The following RAB2A variants were observed in gnomAD, a reference collection of about 807,000 sequenced individuals.
RAB2A encodes the protein ras-related protein Rab-2A.
In RAB2A, 7 loss-of-function variants were observed where a neutral mutation model predicts 32.5. The observed-to-expected ratio is 0.22, with a 90% CI of 0.12 to 0.40. The LOEUF (loss-of-function observed/expected upper bound fraction) is 0.40, where lower values mean the gene tolerates loss of function less well. RAB2A is among the 10% of genes least tolerant of loss of function. The pLI is 1.00. For missense variants in RAB2A, 108 were observed against 260.7 expected, an observed-to-expected ratio of 0.41 and a Z score of 4.03; for synonymous variants, 79 against 85.2, an observed-to-expected ratio of 0.93 and a Z score of 0.40.
intron 3 of RAB2A, among the ~76,000 whole-genome samples, chr8:60,576,882 G>A (rs116829328): frequency 8.5e-4 from 129 of 152,202 alleles, no homozygotes; most frequent in African/African-American, 2.9e-3. Flanking sequence ...TTCCTCCTTA[G>A]GCAGCAATTC....
intron 1 of RAB2A, among the ~76,000 whole-genome samples, chr8:60,530,094 A>G (rs984324926): frequency 6.6e-6 from 1 of 151,270 alleles, no homozygotes; most frequent in African/African-American, 2.4e-5. Flanking sequence ...TAGGCTCCCA[A>G]GTAGCTGAGG....
intron 1 of RAB2A, among the ~76,000 whole-genome samples, chr8:60,530,165 G>T (rs577792962): frequency 1.8e-4 from 22 of 125,426 alleles, no homozygotes. Flanking sequence ...TTTTTTTTGA[G>T]AGAGAGAGAG....
At chr8:60,521,304 G>A (rs1807298945) in intron 1 of RAB2A, among the ~76,000 whole-genome samples, 1 of 152,162 alleles carries the variant, frequency 6.6e-6, no homozygotes, top group South Asian at 2.1e-4. Context: ...ATGGGGGAAT[G>A]TCTGGTATGT....
intron 1 of RAB2A, among the ~76,000 whole-genome samples, chr8:60,519,124 C>A (rs1807260816): frequency 1.6e-5 from 2 of 126,678 alleles, no homozygotes; most frequent in African/African-American, 6.2e-5. Flanking sequence ...CTGATACGAC[C>A]TAGTTCAGGA....
rs1294360027 is a variant in RAB2A at position 60,578,352 on chromosome 8, G to T, written c.187-5856G>T. On this transcript the variant is annotated intron_variant, in intron 3 of 7. Transcript: ENST00000262646. The stretch of plus-strand genomic sequence containing the variant: ...CACATGAAAGTGCTTTTGGATTTGT[G>T]AGGAGAAAAGGATAACTATGGGCTG... Among the ~76,000 whole-genome samples, 4 of 152,192 alleles carry T rather than the reference G, an allele frequency of 2.6e-5. No homozygotes were observed. The South Asian group carries it at 8.3e-4, about 32-fold the overall frequency.
intron 1 of RAB2A, chr8:60,553,059 A>G (rs1428633661): frequency 2.6e-5 from 4 of 152,224 alleles, no homozygotes; most frequent in Non-Finnish European, 5.9e-5. Flanking sequence ...TGTTTGTGAG[A>G]TTCAGTATCT....
chr8:60,575,757 A>T (rs186093524), intron 3 of RAB2A, among the ~76,000 whole-genome samples: 1 of 149,684 alleles, frequency 6.7e-6, no homozygotes, highest in Non-Finnish European at 1.5e-5. Flanking sequence ...TCCCGGGTTC[A>T]AGCGATTCTC....
intron 1 of RAB2A, among the ~76,000 whole-genome samples, chr8:60,549,060 C>T (rs1303283280): frequency 5.3e-5 from 8 of 151,384 alleles, no homozygotes; most frequent in East Asian, 2.0e-4. Flanking sequence ...GGCAGAGACG[C>T]TCCTCACTTC....
In RAB2A at chr8:60,569,498, AC is replaced by A. The variant is rs749424922; in HGVS notation, c.119-2547del. Among the ~76,000 whole-genome samples, 71 of 152,206 alleles carry A rather than the reference AC, an allele frequency of 4.7e-4. 1 individual carries two copies. Among genetic ancestry groups the A allele is most frequent in the Middle Eastern group, 6.8e-3 (2 of 294 alleles). ...TAAGCTTCATAACTTCTGTCTGCTT[AC>A]TTTATTAATTGTTTTTATTTTTGTT... is the stretch of plus-strand genomic sequence containing the variant. On this transcript the variant is annotated intron_variant, in intron 2 of 7. Transcript: ENST00000262646.
intron 3 of RAB2A, 193 bp from the exon 4 acceptor site, chr8:60,584,015 G>T (rs1349052937): frequency 6.1e-6 from 3 of 492,778 alleles, no homozygotes; most frequent in Non-Finnish European, 1.1e-5. Flanking sequence ...CACTACATGT[G>T]CGTCTCGTTG....
At chr8:60,530,144 C>CTTTTTTTTTT (rs1270851648) in intron 1 of RAB2A, among the ~76,000 whole-genome samples, 2 of 104,152 alleles carry the variant, frequency 1.9e-5, no homozygotes, top group African/African-American at 7.3e-5. Flanking sequence ...ATTTTTTTTT[C>CTTTTTTTTTT]TTTTTTTTTT....
At chr8:60,542,520 A>G (rs1225732844) in intron 1 of RAB2A, among the ~76,000 whole-genome samples, 1 of 152,068 alleles carries the variant, frequency 6.6e-6, no homozygotes, top group Non-Finnish European at 1.5e-5. Context: ...GTCAAAAAAA[A>G]AAGAAAGAAC....
intron 1 of RAB2A, among the ~76,000 whole-genome samples, chr8:60,537,710 T>G (rs1009370804): frequency 6.6e-6 from 1 of 152,206 alleles, no homozygotes; most frequent in African/African-American, 2.4e-5. Flanking sequence ...TTATTTATTT[T>G]CAGGTAGAGT....
chr8:60,615,819 A>G (rs576983277), intron 6 of RAB2A, among the ~76,000 whole-genome samples: 1 of 152,316 alleles, frequency 6.6e-6, no homozygotes, highest in Admixed American at 6.5e-5. Context: ...TAAAACAAGT[A>G]TATTAATGTC....
At chr8:60,532,571 C>T (rs918898994) in intron 1 of RAB2A, among the ~76,000 whole-genome samples, 2 of 152,146 alleles carry the variant, frequency 1.3e-5, no homozygotes, top group Non-Finnish European at 2.9e-5. Flanking sequence ...AGTGCAGTGG[C>T]ATAGTCTCAG....
At chr8:60,618,489 T>C (rs1237863901) in intron 6 of RAB2A, 91 bp from the exon 7 acceptor site, 1 of 557,668 alleles carries the variant, frequency 1.8e-6, no homozygotes, top group Non-Finnish European at 2.7e-6. Context: ...GACTTTCATA[T>C]GTTGAATGTT....
At chr8:60,596,720 G>A (rs887700669) in intron 6 of RAB2A, among the ~76,000 whole-genome samples, 6 of 152,056 alleles carry the variant, frequency 3.9e-5, no homozygotes, top group African/African-American at 1.4e-4. Context: ...CAGGAGATGA[G>A]ACCATCCTGG....
chr8:60,560,542 T>A (rs1808006226), intron 2 of RAB2A, among the ~76,000 whole-genome samples: 1 of 152,228 alleles, frequency 6.6e-6, no homozygotes, highest in Non-Finnish European at 1.5e-5. Context: ...TTCTTCCTTT[T>A]CTTAGAATCT....
intron 1 of RAB2A, among the ~76,000 whole-genome samples, chr8:60,550,239 C>T (rs983468599): frequency 6.6e-6 from 1 of 152,108 alleles, no homozygotes; most frequent in African/African-American, 2.4e-5. Context: ...TAACACACTT[C>T]TCTTTCTCAA....
Sources: allele counts gnomAD v4.1 joint callset (sites outside exome capture counted in the v4.1 genomes callset), GRCh38; gene constraint gnomAD v4.1.1; transcripts MANE v1.5; gene names NCBI Gene and HGNC (gene_info 2026-07-23, HGNC 2026-07-21).